PIK3C3: variants seen among roughly 807,000 people sequenced by gnomAD.
The protein encoded by PIK3C3 is phosphatidylinositol 3-kinase catalytic subunit type 3.
In PIK3C3, 95 loss-of-function variants were observed where a neutral mutation model predicts 126.1. The observed-to-expected ratio is 0.75, with a 90% CI of 0.64 to 0.89. PIK3C3 has a LOEUF of 0.89. Among genes scored for constraint, PIK3C3 ranks in the 40% least tolerant of loss-of-function variants. PIK3C3 has a pLI of 0.00. For missense variants in PIK3C3, 829 were observed against 1,063.2 expected (o/e 0.78, Z 3.06); for synonymous variants, 374 against 360.0 (o/e 1.04, Z -0.44).
chr18:41,964,060 A>T (rs1188193385), intron 3 of PIK3C3, among the ~76,000 whole-genome samples: 1 of 152,048 alleles, frequency 6.6e-6, no homozygotes, highest in Non-Finnish European at 1.5e-5. Flanking sequence ...CCCATTTAAG[A>T]TTCTTTAAAA....
intron 12 of PIK3C3, among the ~76,000 whole-genome samples, chr18:42,019,355 TCTTC>T (rs569874913): frequency 6.6e-5 from 10 of 152,180 alleles, no homozygotes; most frequent in Non-Finnish European, 1.2e-4. Context: ...CATACTCTTT[TCTTC>T]CTTCTTTCCA....
chr18:42,025,039 C>T (rs549543232), intron 13 of PIK3C3, among the ~76,000 whole-genome samples: 1 of 152,030 alleles, frequency 6.6e-6, no homozygotes, highest in South Asian at 2.1e-4. Flanking sequence ...GTCTCGATCT[C>T]CTGACCTCAT....
Position 41,990,850 on chromosome 18 carries a change from C to A in PIK3C3, c.714+296C>A, listed in dbSNP as rs1981740866. ...CAAGTAGGACACTAAGTAATGGCTT[C>A]ATTTACTAATATTATTTATTTAAAA... is the stretch of plus-strand genomic sequence containing the variant. On this transcript the variant is annotated intron_variant, in intron 6 of 24. Coordinates refer to ENST00000262039, the MANE Select transcript of PIK3C3 (RefSeq NM_002647.4). Among the ~76,000 whole-genome samples the A allele has an allele frequency of 3.3e-5, 5 of 152,112 alleles. No homozygotes were observed. The South Asian group carries it at 8.3e-4, about 25-fold the overall frequency.
intron 24 of PIK3C3, among the ~76,000 whole-genome samples, chr18:42,070,112 C>T (rs562850088): frequency 1.3e-5 from 2 of 152,304 alleles, no homozygotes; most frequent in South Asian, 2.1e-4. Flanking sequence ...CTTCCTCTGT[C>T]ATCATTTCAG....
intron 4 of PIK3C3, among the ~76,000 whole-genome samples, chr18:41,983,207 G>A (rs531096633): frequency 6.6e-6 from 1 of 152,198 alleles, no homozygotes; most frequent in Non-Finnish European, 1.5e-5. Flanking sequence ...TTCTGTTAGG[G>A]CAGAGAACTT....
intron 9 of PIK3C3, among the ~76,000 whole-genome samples, chr18:42,000,582 A>G (rs561666295): frequency 1.3e-5 from 2 of 152,192 alleles, no homozygotes; most frequent in South Asian, 2.1e-4. Context: ...TTTTGGTACC[A>G]ATTTACTGTA....
At chr18:42,046,692 A>G (rs1984573111) in intron 20 of PIK3C3, among the ~76,000 whole-genome samples, 1 of 152,082 alleles carries the variant, frequency 6.6e-6, no homozygotes, top group Admixed American at 6.5e-5. Context: ...AATCATTCTG[A>G]GTATTAGTTA....
At position 41,955,647 on chromosome 18, in the gene PIK3C3, G is replaced by A. The variant is rs971220524; in HGVS notation, c.68+288G>A. On this transcript the variant is annotated intron_variant, in intron 1 of 24. Transcript: ENST00000262039. ...AAGTTTTTGCTGTTCAGCCTTTTGA[G>A]AGTTTATTACTATTTCATTGTAAAT... Among the ~76,000 whole-genome samples the A allele has an allele frequency of 9.9e-5, 15 of 152,226 alleles. No individual in the cohort carries two copies. The East Asian group carries it at 2.7e-3, about 27-fold the overall frequency.
At chr18:42,078,832 TG>T (rs1986132867) in intron 24 of PIK3C3, among the ~76,000 whole-genome samples, 1 of 152,232 alleles carries the variant, frequency 6.6e-6, no homozygotes, top group African/African-American at 2.4e-5. Context: ...AACCAACCTC[TG>T]CTACCTTTAG....
At chr18:42,065,656 C>T (rs1381979552) in intron 23 of PIK3C3, among the ~76,000 whole-genome samples, 1 of 152,192 alleles carries the variant, frequency 6.6e-6, no homozygotes, top group Non-Finnish European at 1.5e-5. Context: ...TATAGAATTT[C>T]CCTGTATCCC....
intron 21 of PIK3C3, among the ~76,000 whole-genome samples, chr18:42,057,065 C>A (rs374351408): frequency 8.4e-4 from 119 of 142,506 alleles, no homozygotes; most frequent in African/African-American, 2.7e-3. Context: ...TGAACCCCCC[C>A]CCCCGTGTTG....
chr18:42,031,278 C>T (rs1238650244), intron 15 of PIK3C3, among the ~76,000 whole-genome samples: 2 of 152,032 alleles, frequency 1.3e-5, no homozygotes, highest in Non-Finnish European at 2.9e-5. Context: ...AGATCTGTGG[C>T]AGAGTAATCC....
chr18:42,022,069 G>A (rs1432876426), intron 13 of PIK3C3, among the ~76,000 whole-genome samples: 3 of 152,206 alleles, frequency 2.0e-5, no homozygotes, highest in African/African-American at 7.2e-5. Flanking sequence ...CCACTCTCCA[G>A]AGGTAATGCT....
chr18:42,046,572 G>T lies in PIK3C3; in HGVS notation c.2188+2755G>T, dbSNP rs565609051. On this transcript the variant is annotated intron_variant, in intron 20 of 24. Transcript: ENST00000262039. ...ATGGAATAAAAAAACTAACAACATTGTTTTGACAAGATTTTCTTGGACAGA... is the reference window on the plus strand; with the variant it reads ...ATGGAATAAAAAAACTAACAACATTTTTTTGACAAGATTTTCTTGGACAGA... Among the ~76,000 whole-genome samples the T allele has an allele frequency of 3.9e-5, 6 of 152,132 alleles. No individual in the cohort carries two copies. The South Asian group carries it at 1.2e-3, about 32-fold the overall frequency.
chr18:42,046,047 C>A (rs1189873085), intron 20 of PIK3C3, among the ~76,000 whole-genome samples: 2 of 151,982 alleles, frequency 1.3e-5, no homozygotes, highest in Admixed American at 1.3e-4. Context: ...CCATTTTCCC[C>A]CCAAGAGCTA....
At chr18:42,052,831 A>G (rs946468435) in intron 21 of PIK3C3, 11 of 152,178 alleles carry the variant, frequency 7.2e-5, no homozygotes, top group Non-Finnish European at 1.3e-4. Flanking sequence ...TGAGTTTATT[A>G]TGCCTTCAAA....
At position 42,064,630 on chromosome 18, in the gene PIK3C3, G is replaced by T. The variant is rs918895686; in HGVS notation, c.2433-110G>T. ...TGATGAATTTTCTGCTGGAATAATA[G>T]TAATCACTGTAGAAATCCAAGTACC... On this transcript the variant is annotated intron_variant, in intron 22 of 24. Transcript: ENST00000262039. The T allele has an allele frequency of 2.6e-5, 16 of 610,000 alleles. No individual in the cohort carries two copies. The East Asian group carries it at 4.4e-4, about 17-fold the overall frequency. 37.8% of individuals were successfully genotyped at this position (610,000 alleles called of 1,614,324 possible). A position where few individuals can be genotyped will look rare whatever the true frequency, so the allele number is the denominator to read the frequency against.
At chr18:41,987,705 G>A (rs924863927) in intron 4 of PIK3C3, 107 bp from the exon 5 acceptor site, 7 of 692,968 alleles carry the variant, frequency 1.0e-5, no homozygotes, top group African/African-American at 7.4e-5. Context: ...TTTCTATTGT[G>A]TATAGGAAAG....
chr18:42,003,054 G>T (rs572155207), intron 9 of PIK3C3, among the ~76,000 whole-genome samples: 3 of 152,308 alleles, frequency 2.0e-5, no homozygotes, highest in African/African-American at 7.2e-5. Context: ...GCACCATCTT[G>T]AGGTGATGGG....
Sources: allele counts gnomAD v4.1 joint callset (sites outside exome capture counted in the v4.1 genomes callset), GRCh38; gene constraint gnomAD v4.1.1; transcripts MANE v1.5; gene names NCBI Gene and HGNC (gene_info 2026-07-23, HGNC 2026-07-21).